SLC25A21: variants seen among roughly 807,000 people sequenced by gnomAD.
SLC25A21 encodes solute carrier family 25 member 21.
In SLC25A21, 47 loss-of-function variants were observed where a neutral mutation model predicts 43.8. The ratio of observed to expected loss-of-function variants is 1.07; its 90% CI spans 0.85 to 1.37. The LOEUF is 1.37. Among genes scored for constraint, SLC25A21 ranks in the 40% most tolerant of loss-of-function variants. SLC25A21 has a pLI of 0.00. For synonymous variants in SLC25A21, 131 were observed against 121.3 expected (o/e 1.08, Z -0.52); for missense variants, 352 against 350.2 (o/e 1.00, Z -0.04).
chr14:36,816,231 T>C (rs771241165), intron 2 of SLC25A21, among the ~76,000 whole-genome samples: 1 of 152,160 alleles, frequency 6.6e-6, no homozygotes, highest in East Asian at 1.9e-4. Context: ...TTGTGAACAG[T>C]ACTGTTCAGA....
chr14:36,801,697 C>T lies in SLC25A21; in HGVS notation c.203+12221G>A, dbSNP rs533016796. On this transcript the variant is annotated intron_variant, in intron 3 of 9. Transcript: ENST00000331299. ...CAAGAGTCTCTATAATATTGTCTTT[C>T]AAAATCCTAACTCAAACTGCCTCTT... Among the ~76,000 whole-genome samples, 4 of 152,280 alleles carry T rather than the reference C, an allele frequency of 2.6e-5. 1 individual carries two copies. Among genetic ancestry groups the T allele is most frequent in the African/African-American group, 9.6e-5 (4 of 41,562 alleles).
At chr14:37,014,211 A>G (rs150999459) in intron 1 of SLC25A21, among the ~76,000 whole-genome samples, 204 of 152,216 alleles carry the variant, frequency 1.3e-3, no homozygotes, top group African/African-American at 4.6e-3. Context: ...TTCCTTTCAC[A>G]AAAGATTTTT....
At chr14:36,818,231 G>A (rs914281143) in intron 2 of SLC25A21, among the ~76,000 whole-genome samples, 2 of 152,188 alleles carry the variant, frequency 1.3e-5, no homozygotes, top group African/African-American at 4.8e-5. Flanking sequence ...GGGAAAGGGA[G>A]AGGGGAAATA....
chr14:36,738,573 C>T (rs1233120733), intron 3 of SLC25A21, among the ~76,000 whole-genome samples: 1 of 152,202 alleles, frequency 6.6e-6, no homozygotes, highest in Non-Finnish European at 1.5e-5. Flanking sequence ...GCATTCTTCT[C>T]TCCGACATGA....
intron 1 of SLC25A21, among the ~76,000 whole-genome samples, chr14:37,120,572 C>T (rs2138890262): frequency 6.6e-6 from 1 of 152,232 alleles, no homozygotes; most frequent in Non-Finnish European, 1.5e-5. Context: ...GGAGAGACTA[C>T]CCATGAAGCA....
chr14:37,077,221 C>T (rs1219032720), intron 1 of SLC25A21, among the ~76,000 whole-genome samples: 1 of 152,142 alleles, frequency 6.6e-6, no homozygotes, highest in Non-Finnish European at 1.5e-5. Context: ...ACAGAAGATG[C>T]TATCAGCAAA....
intron 1 of SLC25A21, among the ~76,000 whole-genome samples, chr14:36,883,050 C>A (rs1410539029): frequency 2.0e-5 from 3 of 152,108 alleles, no homozygotes; most frequent in Non-Finnish European, 4.4e-5. Flanking sequence ...TTACAGGTAT[C>A]CCTCCATCTA....
intron 7 of SLC25A21, among the ~76,000 whole-genome samples, chr14:36,697,647 C>T (rs1883087604): frequency 6.6e-6 from 1 of 151,858 alleles, no homozygotes; most frequent in Non-Finnish European, 1.5e-5. Context: ...TTGAATTGAT[C>T]CCTTTACCAT....
chr14:36,797,349 A>T (rs1197853786), intron 3 of SLC25A21, among the ~76,000 whole-genome samples: 2 of 152,202 alleles, frequency 1.3e-5, no homozygotes, highest in Non-Finnish European at 2.9e-5. Flanking sequence ...ATGTGGCTGA[A>T]GGCAAAAGAG....
intron 3 of SLC25A21, among the ~76,000 whole-genome samples, chr14:36,739,623 A>G (rs1030811272): frequency 1.3e-5 from 2 of 151,028 alleles, no homozygotes; most frequent in Non-Finnish European, 2.9e-5. Context: ...GGTTGCAGTG[A>G]GCTGAGATCA....
intron 1 of SLC25A21, among the ~76,000 whole-genome samples, chr14:37,145,141 A>G (rs1963640242): frequency 6.6e-6 from 1 of 152,128 alleles, no homozygotes; most frequent in Non-Finnish European, 1.5e-5. Flanking sequence ...TTTTATGGGT[A>G]AGGCACAGAG....
intron 1 of SLC25A21, among the ~76,000 whole-genome samples, chr14:36,999,771 C>T (rs1235836504): frequency 3.3e-5 from 5 of 152,176 alleles, no homozygotes; most frequent in Non-Finnish European, 7.4e-5. Flanking sequence ...ACATCAAAGA[C>T]AACTGAAAAG....
At chr14:36,780,877 G>C (rs896244232) in intron 3 of SLC25A21, among the ~76,000 whole-genome samples, 4 of 152,002 alleles carry the variant, frequency 2.6e-5, no homozygotes, top group African/African-American at 9.7e-5. Flanking sequence ...ATGTTTCCTT[G>C]TTGATTCTTT....
intron 1 of SLC25A21, among the ~76,000 whole-genome samples, chr14:37,015,822 T>C (rs1315261378): frequency 1.3e-5 from 2 of 152,242 alleles, no homozygotes; most frequent in Non-Finnish European, 2.9e-5. Flanking sequence ...ATGTGTTTTT[T>C]GGCTGCATAA....
intron 1 of SLC25A21, among the ~76,000 whole-genome samples, chr14:36,876,074 T>C (rs991162081): frequency 3.3e-5 from 5 of 152,196 alleles, no homozygotes; most frequent in African/African-American, 1.2e-4. Context: ...AATGTTCAAC[T>C]GATTCGCCCA....
At chr14:36,713,644 A>C (rs190019964) in intron 6 of SLC25A21, among the ~76,000 whole-genome samples, 7 of 152,246 alleles carry the variant, frequency 4.6e-5, no homozygotes, top group Admixed American at 2.6e-4. Flanking sequence ...ATTGATTCTC[A>C]CTTTATTAAT....
At chr14:36,807,909 C>T (rs1271693267) in intron 3 of SLC25A21, among the ~76,000 whole-genome samples, 3 of 152,180 alleles carry the variant, frequency 2.0e-5, no homozygotes, top group Non-Finnish European at 4.4e-5. Flanking sequence ...TTATCTCACA[C>T]ATCTGGAGTT....
At chr14:37,159,076 A>T (rs992754339) in intron 1 of SLC25A21, among the ~76,000 whole-genome samples, 1 of 152,144 alleles carries the variant, frequency 6.6e-6, no homozygotes, top group African/African-American at 2.4e-5. Flanking sequence ...TGTAAAAGAA[A>T]TTAAAGATGA....
intron 1 of SLC25A21, among the ~76,000 whole-genome samples, chr14:36,931,295 T>C (rs1341128253): frequency 2.0e-5 from 3 of 152,122 alleles, no homozygotes; most frequent in African/African-American, 7.2e-5. Context: ...AAGTTAAAAG[T>C]GAATGGGAGG....
Sources: allele counts gnomAD v4.1 joint callset (sites outside exome capture counted in the v4.1 genomes callset), GRCh38; gene constraint gnomAD v4.1.1; transcripts MANE v1.5; gene names NCBI Gene and HGNC (gene_info 2026-07-23, HGNC 2026-07-21).